The following GRWD1 variants were observed in gnomAD, a reference collection of about 807,000 sequenced individuals.
GRWD1 encodes the protein glutamate-rich WD repeat-containing protein 1.
Under a neutral mutation model 45.3 loss-of-function variants are expected in GRWD1, and 29 were observed. The observed-to-expected ratio is 0.64, with a 90% CI of 0.48 to 0.87. The LOEUF is 0.87. Ranked by LOEUF, GRWD1 falls within the 40% of genes least tolerant of loss-of-function variation. GRWD1 has a pLI of 0.00. For synonymous variants in GRWD1, 262 were observed against 257.6 expected, an observed-to-expected ratio of 1.02 and a Z score of -0.16; for missense variants, 592 against 618.8, an observed-to-expected ratio of 0.96 and a Z score of 0.46.
In GRWD1 at chr19:48,446,963, G is replaced by T. The variant is rs570291252; in HGVS notation, c.468+120G>T. 3.4e-5 allele frequency: 30 copies of T among 889,666 alleles called. No individual in the cohort carries two copies. In the African/African-American group the frequency reaches 5.1e-4, roughly 15 times the overall value. 55.1% of individuals were successfully genotyped at this position (889,666 alleles called of 1,614,324 possible). On this transcript the variant is annotated intron_variant, in intron 3 of 6. Coordinates refer to ENST00000253237, the MANE Select transcript of GRWD1 (RefSeq NM_031485.4). ...TTTTTTTTTTTTTTTTTGAGACGTA[G>T]TCTCGCTCTGTCACCCAGGCTGGAG...
At chr19:48,449,542 G>A (rs899105121) in intron 3 of GRWD1, among the ~76,000 whole-genome samples, 1 of 152,196 alleles carries the variant, frequency 6.6e-6, no homozygotes, top group African/African-American at 2.4e-5. Context: ...TGAATGGTCA[G>A]GCTGGCACAG....
At position 48,453,037 on chromosome 19, in the gene GRWD1, G is replaced by A; in HGVS notation, c.*12G>A. 1 of 1,558,748 alleles carries A rather than the reference G, an allele frequency of 6.4e-7. No homozygotes were observed. Among genetic ancestry groups the A allele is most frequent in the Non-Finnish European group, 8.7e-7 (1 of 1,148,100 alleles). The stretch of plus-strand genomic sequence containing the variant: ...CCATCAGCGTCTGAGGCGTCCCACT[G>A]GCTCTGATCTTGCTTCCTGCTTGGA... On this transcript the variant is annotated 3_prime_UTR_variant, in exon 7 of 7. Coordinates refer to ENST00000253237, the MANE Select transcript of GRWD1 (RefSeq NM_031485.4).
intron 2 of GRWD1, 55 bp downstream of exon 2, chr19:48,446,557 A>G: frequency 1.9e-6 from 3 of 1,587,228 alleles, no homozygotes; most frequent in Non-Finnish European, 2.6e-6. Context: ...CCCCTTCCTC[A>G]GCACCCAGGA....
chr19:48,452,706 A>C lies in GRWD1; in HGVS notation c.1024-2A>C. The C allele has an allele frequency of 6.4e-7, 1 of 1,560,180 alleles. No homozygotes were observed. Among genetic ancestry groups the C allele is most frequent in the South Asian group, 1.2e-5 (1 of 83,056 alleles). ...CCCGTTCCTCCCATCCTCTCCCTCT[A>C]GTCTGGTTCCCCAGTGGCCACCTTC... On this transcript the variant is annotated splice_acceptor_variant, in intron 6 of 6. Transcript: ENST00000253237. LOFTEE classifies it high-confidence loss of function. The surrounding 1 kb of genome is among the most constrained non-coding windows in gnomAD (Gnocchi z 5.1).
intron 3 of GRWD1, among the ~76,000 whole-genome samples, chr19:48,449,334 T>C (rs1629621): frequency 0.92 from 139,735 of 152,190 alleles, 64,561 homozygotes; most frequent in African/African-American, 0.98. Flanking sequence ...TCAGGCAGTC[T>C]GCCCTCCTCG....
At position 48,446,002 on chromosome 19, in the gene GRWD1, G is replaced by A; in HGVS notation, c.-4G>A. On this transcript the variant is annotated 5_prime_UTR_variant, in exon 1 of 7. Transcript: ENST00000253237. ...CCGGGTGTCAGCAGCGAGAGGGTTCGAAGATGGCGGCGCGCAAGGGTCGGC... is the reference window on the plus strand; with the variant it reads ...CCGGGTGTCAGCAGCGAGAGGGTTCAAAGATGGCGGCGCGCAAGGGTCGGC... The A allele has an allele frequency of 6.3e-7, 1 of 1,579,384 alleles. No individual in the cohort carries two copies. The highest frequency in any genetic ancestry group is 2.3e-5 in the East Asian group (1 of 43,430).
rs143353939 is a variant in GRWD1, at chr19:48,452,929, C to G, written c.1245C>G (p.Thr415=). ...QQLLFVHQGE[T]ELKELHWHPQ... ...TGCTGTTCGTGCACCAGGGCGAGAC[C>G]GAGCTGAAGGAGCTGCACTGGCACC... The change falls in exon 7 of 7, where the codon ACC becomes ACG. Residue 415 remains threonine, a synonymous_variant. Coordinates refer to ENST00000253237, the MANE Select transcript of GRWD1 (RefSeq NM_031485.4). The surrounding 1 kb of genome is among the most constrained non-coding windows in gnomAD (Gnocchi z 5.1). The G allele has an allele frequency of 1.8e-5, 29 of 1,611,972 alleles. No individual in the cohort carries two copies. The African/African-American group carries it at 3.1e-4, about 17-fold the overall frequency.
intron 3 of GRWD1, among the ~76,000 whole-genome samples, chr19:48,448,635 C>T (rs771321856): frequency 2.6e-5 from 4 of 152,136 alleles, no homozygotes; most frequent in Non-Finnish European, 4.4e-5. Flanking sequence ...CATAAAATGC[C>T]ATTTGCATAG....
intron 1 of GRWD1, 48 bp downstream of exon 1, chr19:48,446,240 C>G (rs370327872): frequency 6.3e-5 from 99 of 1,574,804 alleles, no homozygotes; most frequent in Non-Finnish European, 7.8e-5. Context: ...TGATCCCGAG[C>G]CTTTAACCTG....
At position 48,455,279 on chromosome 19, in the gene GRWD1, C is replaced by CT. The variant is rs1311540138; in HGVS notation, c.*2257dup. 1.3e-5 allele frequency: 2 copies of CT among 152,384 alleles called. No homozygotes were observed. The highest frequency in any genetic ancestry group is 2.9e-5 in the Non-Finnish European group (2 of 68,246). The allele number at this position is 152,384 out of a possible 1,614,324, so 9.4% of individuals were successfully genotyped here. A position where few individuals can be genotyped will look rare whatever the true frequency, so the allele number is the denominator to read the frequency against. On this transcript the variant is annotated 3_prime_UTR_variant, in exon 7 of 7. Coordinates refer to ENST00000253237, the MANE Select transcript of GRWD1 (RefSeq NM_031485.4). ...CCTGCCTATCTCTGCATCTCTTTGT[C>CT]TTTCTGTAGTCTCTGCTTTCCAACC...
At chr19:48,447,925 C>T (rs974419568) in intron 3 of GRWD1, among the ~76,000 whole-genome samples, 6 of 152,200 alleles carry the variant, frequency 3.9e-5, no homozygotes, top group Admixed American at 3.3e-4. Context: ...TTTTCTGTTA[C>T]TATTCAGGAA....
At position 48,456,991 on chromosome 19, in the gene GRWD1, C is replaced by CT. The variant is rs58951400; in HGVS notation, c.*3982dup. The CT allele has an allele frequency of 0.029, 4,104 of 140,254 alleles. 70 individuals carry two copies. Among genetic ancestry groups the CT allele is most frequent in the South Asian group, 0.062 (276 of 4,434 alleles). The allele number at this position is 140,254 out of a possible 1,614,324, so 8.7% of individuals were successfully genotyped here. A position where few individuals can be genotyped will look rare whatever the true frequency, so the allele number is the denominator to read the frequency against. ...AGGTGTGAGCCACCGCACCTGCCCTCTTTTTTTTTTTTTTTTCTTTAAGAG... is the reference window on the plus strand; with the variant it reads ...AGGTGTGAGCCACCGCACCTGCCCTCTTTTTTTTTTTTTTTTTCTTTAAGAG... On this transcript the variant is annotated 3_prime_UTR_variant, in exon 7 of 7. Coordinates refer to ENST00000253237, the MANE Select transcript of GRWD1 (RefSeq NM_031485.4).
rs1389891827 is a variant in GRWD1, at chr19:48,451,997, G to T, written c.1024-711G>T. ...TGCTGTCATTCTTAGTCTTTCTTTG[G>T]GTCGGCTTCCGGGGATTGTGTTTCT... On this transcript the variant is annotated intron_variant, in intron 6 of 6. Transcript: ENST00000253237. Among the ~76,000 whole-genome samples, 3 of 152,190 alleles carry T rather than the reference G, an allele frequency of 2.0e-5. No homozygotes were observed. In the East Asian group the frequency reaches 5.8e-4, roughly 29 times the overall value.
chr19:48,449,926 T>C (rs536603367), intron 3 of GRWD1, among the ~76,000 whole-genome samples: 1 of 152,128 alleles, frequency 6.6e-6, no homozygotes, highest in African/African-American at 2.4e-5. Flanking sequence ...GGTCTCCTAG[T>C]GAACAAACAC....
At chr19:48,448,109 G>A (rs955141563) in intron 3 of GRWD1, among the ~76,000 whole-genome samples, 1 of 152,110 alleles carries the variant, frequency 6.6e-6, no homozygotes, top group Non-Finnish European at 1.5e-5. Context: ...ACACCACCAT[G>A]CCCAGTAATT....
intron 3 of GRWD1, among the ~76,000 whole-genome samples, chr19:48,447,193 C>G (rs1282243531): frequency 6.6e-6 from 1 of 151,810 alleles, no homozygotes; most frequent in Admixed American, 6.6e-5. Flanking sequence ...CCTGCCTCAG[C>G]CTCCCAAGTA....
intron 3 of GRWD1, 150 bp downstream of exon 3, chr19:48,446,993 G>A: frequency 1.4e-6 from 1 of 719,688 alleles, no homozygotes; most frequent in Non-Finnish European, 2.1e-6. Flanking sequence ...CTGGAGTGCA[G>A]TGGCGCAGCC....
At position 48,453,889 on chromosome 19, in the gene GRWD1, G is replaced by A. The variant is rs1333454703; in HGVS notation, c.*864G>A. On this transcript the variant is annotated 3_prime_UTR_variant, in exon 7 of 7. Transcript: ENST00000253237. Reference sequence around the variant, plus strand: ...GCTCCTGAGCAGCAATAAAGGACCAGGAAGAGGCCTGAGGTGTATTTGAGA... The same window carrying A: ...GCTCCTGAGCAGCAATAAAGGACCAAGAAGAGGCCTGAGGTGTATTTGAGA... The A allele has an allele frequency of 6.6e-6, 1 of 152,226 alleles. No individual in the cohort carries two copies. The highest frequency in any genetic ancestry group is 1.5e-5 in the Non-Finnish European group (1 of 68,084). The allele number at this position is 152,226 out of a possible 1,614,324, so 9.4% of individuals were successfully genotyped here.
In GRWD1 at chr19:48,452,636, G is replaced by T. The variant is rs1430736252; in HGVS notation, c.1024-72G>T. ...ACCCTGAGGCTGGAGAAGGGTTGGG[G>T]CTTCTGCCTGGGTCCTCCCCAGAGT... On this transcript the variant is annotated intron_variant, in intron 6 of 6. Transcript: ENST00000253237. This position sits in a 1 kb window ranked among gnomAD's most constrained non-coding sequence, Gnocchi z 5.1. 7.7e-7 allele frequency: 1 copy of T among 1,306,208 alleles called. No individual in the cohort carries two copies. The highest frequency in any genetic ancestry group is 1.1e-6 in the Non-Finnish European group (1 of 940,878). 80.9% of individuals were successfully genotyped at this position (1,306,208 alleles called of 1,614,324 possible). A position where few individuals can be genotyped will look rare whatever the true frequency, so the allele number is the denominator to read the frequency against.
Sources: gnomAD v4.1 joint callset for allele counts (sites outside exome capture counted in the v4.1 genomes callset) on GRCh38, gnomAD v4.1.1 for gene constraint, Gnocchi (gnomAD v3.1) non-coding constraint, MANE v1.5 for transcripts, NCBI Gene and HGNC (gene_info 2026-07-23, HGNC 2026-07-21) for gene names.